Variants in SRGAP1 observed in about 807,000 individuals in gnomAD.
SRGAP1 encodes the protein SLIT-ROBO Rho GTPase-activating protein 1.
A neutral mutation model predicts 121.9 loss-of-function variants in SRGAP1; 43 were observed. The ratio of observed to expected loss-of-function variants is 0.35; its 90% CI spans 0.28 to 0.46. The LOEUF (loss-of-function observed/expected upper bound fraction) is 0.46, where lower values mean the gene tolerates loss of function less well. Ranked by LOEUF, SRGAP1 falls within the 20% of genes least tolerant of loss-of-function variation. The probability of loss-of-function intolerance (pLI) is 1.00; values close to 1 mark genes in which losing one functional copy is unlikely to be tolerated. For missense variants in SRGAP1, 1,102 were observed against 1,350.9 expected (o/e 0.82, Z 2.89); for synonymous variants, 447 against 485.4 (o/e 0.92, Z 1.04).
intron 1 of SRGAP1, among the ~76,000 whole-genome samples, chr12:63,896,704 A>G (rs751679129): frequency 1.3e-5 from 2 of 152,158 alleles, no homozygotes; most frequent in Non-Finnish European, 1.5e-5. Flanking sequence ...CTTAGTTTTT[A>G]TTTAAAACTC....
At chr12:64,137,981 T>TAA (rs766805243) in intron 21 of SRGAP1, among the ~76,000 whole-genome samples, 6 of 144,268 alleles carry the variant, frequency 4.2e-5, no homozygotes, top group African/African-American at 1.6e-4. Context: ...TATATATATA[T>TAA]AAAAAATAAT....
At chr12:63,877,114 A>G (rs1402251736) in intron 1 of SRGAP1, among the ~76,000 whole-genome samples, 2 of 152,190 alleles carry the variant, frequency 1.3e-5, no homozygotes, top group Non-Finnish European at 2.9e-5. Flanking sequence ...AATCTTAGCT[A>G]CTTGGGAGAC....
At chr12:63,961,276 T>C (rs2032634258) in intron 1 of SRGAP1, among the ~76,000 whole-genome samples, 1 of 152,214 alleles carries the variant, frequency 6.6e-6, no homozygotes, top group African/African-American at 2.4e-5. Flanking sequence ...GCACGCTCCA[T>C]TGGACAGCAT....
chr12:64,142,060 G>A (rs943282286), intron 21 of SRGAP1, among the ~76,000 whole-genome samples: 1 of 152,140 alleles, frequency 6.6e-6, no homozygotes, highest in Non-Finnish European at 1.5e-5. Flanking sequence ...AGGGCCTTAG[G>A]AAGGCCATTG....
intron 1 of SRGAP1, among the ~76,000 whole-genome samples, chr12:63,952,174 G>A (rs1274667807): frequency 6.6e-6 from 1 of 151,954 alleles, no homozygotes; most frequent in Non-Finnish European, 1.5e-5. Flanking sequence ...TCTGCTTTCT[G>A]TAGCCCTAGT....
chr12:64,139,084 T>A (rs2036914928), intron 21 of SRGAP1, among the ~76,000 whole-genome samples: 1 of 152,220 alleles, frequency 6.6e-6, no homozygotes, highest in Non-Finnish European at 1.5e-5. Context: ...TGGAGGACAT[T>A]CAAAAGTTGA....
At chr12:63,873,640 A>T (rs1160033511) in intron 1 of SRGAP1, among the ~76,000 whole-genome samples, 1 of 151,578 alleles carries the variant, frequency 6.6e-6, no homozygotes, top group African/African-American at 2.4e-5. Context: ...CCTTGGCTGA[A>T]TGCCATATAA....
At chr12:63,889,277 G>T (rs1420396612) in intron 1 of SRGAP1, among the ~76,000 whole-genome samples, 1 of 152,146 alleles carries the variant, frequency 6.6e-6, no homozygotes, top group Non-Finnish European at 1.5e-5. Flanking sequence ...CACATTTGCT[G>T]TCCCTGAAGG....
chr12:63,861,811 G>A lies in SRGAP1; in HGVS notation c.67+16928G>A, dbSNP rs191909221. On this transcript the variant is annotated intron_variant, in intron 1 of 21. Transcript: ENST00000355086. ...AAACCAGCCTGGGCAACATAGTGAG[G>A]CACTGTCTCTATAAAAAATTTAAAA... Among the ~76,000 whole-genome samples, 11 of 152,046 alleles carry A rather than the reference G, an allele frequency of 7.2e-5. No individual in the cohort carries two copies. In the East Asian group the frequency reaches 2.1e-3, roughly 30 times the overall value.
chr12:64,067,569 C>T (rs2035562627), intron 8 of SRGAP1, among the ~76,000 whole-genome samples: 2 of 151,702 alleles, frequency 1.3e-5, no homozygotes, highest in Non-Finnish European at 1.5e-5. Flanking sequence ...TGTTGAACAC[C>T]GAAGAAAATT....
chr12:64,098,520 AT>A (rs2036202640), intron 15 of SRGAP1, among the ~76,000 whole-genome samples: 3 of 152,116 alleles, frequency 2.0e-5, no homozygotes, highest in African/African-American at 7.2e-5. Flanking sequence ...AAAATAAAAA[AT>A]TAGCCAGGCA....
At chr12:63,903,060 C>T (rs2030011090) in intron 1 of SRGAP1, among the ~76,000 whole-genome samples, 1 of 123,062 alleles carries the variant, frequency 8.1e-6, no homozygotes, top group Non-Finnish European at 1.8e-5. Flanking sequence ...TAGGATTAAA[C>T]TATTATATAT....
intron 1 of SRGAP1, among the ~76,000 whole-genome samples, chr12:63,936,574 G>A (rs1022797586): frequency 5.3e-5 from 8 of 152,118 alleles, no homozygotes; most frequent in African/African-American, 1.9e-4. Flanking sequence ...TGCACAAGAG[G>A]AACCAGTAGA....
rs1366365648 is a variant in SRGAP1, at chr12:64,144,441, TA to T, written c.*1770del. The T allele has an allele frequency of 6.6e-6, 1 of 152,224 alleles. No homozygotes were observed. The highest frequency in any genetic ancestry group is 1.5e-5 in the Non-Finnish European group (1 of 68,054). 9.4% of individuals were successfully genotyped at this position (152,224 alleles called of 1,614,324 possible). A position where few individuals can be genotyped will look rare whatever the true frequency, so the allele number is the denominator to read the frequency against. On this transcript the variant is annotated 3_prime_UTR_variant, in exon 22 of 22. Coordinates refer to ENST00000355086, the MANE Select transcript of SRGAP1 (RefSeq NM_020762.4). ...GGATCTGTACTAAAATCAAGATCAT[TA>T]CTTTGATCTCTACCTCAGTTTGCCA...
intron 9 of SRGAP1, among the ~76,000 whole-genome samples, 186 bp from the exon 10 acceptor site, chr12:64,080,100 A>G (rs2035809269): frequency 1.3e-5 from 2 of 152,018 alleles, no homozygotes; most frequent in Middle Eastern, 6.3e-3. Context: ...AAAATTAGCC[A>G]GGTGTGGTGG....
chr12:63,984,024 C>G lies in SRGAP1; in HGVS notation c.145C>G (p.Leu49Val). 6.3e-7 allele frequency: 1 copy of G among 1,577,826 alleles called. No homozygotes were observed. ...TEMRVQLLQD[L>V]QDFFRKKAEI... ...GATGCGAGTTCAGCTTCTCCAGGAT[C>G]TGCAAGATTTCTTCCGAAAAAAAGC... The change falls in exon 2 of 22, where the codon CTG (leucine) becomes GTG (valine). Residue 49 changes from leucine to valine, a missense_variant. Leu to Val is a conservative substitution (Grantham distance 32, BLOSUM62 1). Around this residue, in one of 3 missense-constraint regions of SRGAP1, gnomAD observed 747 missense variants for 929.4 expected, o/e 0.80. Coordinates refer to ENST00000355086, the MANE Select transcript of SRGAP1 (RefSeq NM_020762.4).
At chr12:64,112,133 A>G in intron 17 of SRGAP1, 147 bp downstream of exon 17, 1 of 654,944 alleles carries the variant, frequency 1.5e-6, no homozygotes, top group Non-Finnish European at 2.6e-6. Flanking sequence ...AAATTTTTAG[A>G]ATACTAAGAC....
chr12:63,927,778 C>A (rs765849739), intron 1 of SRGAP1, among the ~76,000 whole-genome samples: 1 of 151,980 alleles, frequency 6.6e-6, no homozygotes, highest in Non-Finnish European at 1.5e-5. Context: ...TGGTAATATA[C>A]CATAATGTTC....
intron 8 of SRGAP1, among the ~76,000 whole-genome samples, chr12:64,070,943 G>A (rs2035625807): frequency 6.6e-6 from 1 of 152,142 alleles, no homozygotes; most frequent in African/African-American, 2.4e-5. Context: ...GATATAAGAT[G>A]TGAAGCCTGA....
Sources: allele counts gnomAD v4.1 joint callset (sites outside exome capture counted in the v4.1 genomes callset), GRCh38; gene constraint gnomAD v4.1.1; regional missense constraint gnomAD v4.1.1; transcripts MANE v1.5; gene names NCBI Gene and HGNC (gene_info 2026-07-23, HGNC 2026-07-21).